Variants in RGS6 observed in about 807,000 individuals in gnomAD.
RGS6 encodes regulator of G protein signaling 6, also known as regulator of G-protein signaling 6.
RGS6 carries 30 observed loss-of-function variants against 78.5 expected under a neutral mutation model. The observed-to-expected ratio is 0.38, with a 90% CI of 0.29 to 0.52. The LOEUF is 0.52. RGS6 is among the 20% of genes least tolerant of loss of function. The probability of loss-of-function intolerance (pLI) is 0.85; values close to 1 mark genes in which losing one functional copy is unlikely to be tolerated. For synonymous variants in RGS6, 206 were observed against 206.0 expected (o/e 1.00, Z 0.00); for missense variants, 495 against 609.7 (o/e 0.81, Z 1.98).
chr14:71,956,503 C>T (rs2092805039), intron 1 of RGS6, among the ~76,000 whole-genome samples: 1 of 151,960 alleles, frequency 6.6e-6, no homozygotes, highest in African/African-American at 2.4e-5. Flanking sequence ...GAGAGCCAGT[C>T]CGAGTCTCAA....
At chr14:71,926,667 T>A in the RGS6 span, among the ~76,000 whole-genome samples, 1 of 151,864 alleles carries the variant, frequency 6.6e-6, no homozygotes, top group Non-Finnish European at 1.5e-5. Flanking sequence ...CCATGTGAGT[T>A]GAACTCTGGT....
At chr14:72,191,410 C>T (rs563252362) in intron 2 of RGS6, among the ~76,000 whole-genome samples, 5 of 152,114 alleles carry the variant, frequency 3.3e-5, no homozygotes, top group African/African-American at 1.2e-4. Flanking sequence ...TGTATTAGTC[C>T]TTTCTCATGC....
intron 3 of RGS6, among the ~76,000 whole-genome samples, chr14:72,414,775 G>A (rs2093681137): frequency 6.6e-6 from 1 of 152,156 alleles, no homozygotes; most frequent in Non-Finnish European, 1.5e-5. Flanking sequence ...CTATCAGTCA[G>A]GACCCTCAGC....
At chr14:71,937,060 CCCTAATGGATTT>C (rs1295226657) in intron 1 of RGS6, among the ~76,000 whole-genome samples, 1 of 152,170 alleles carries the variant, frequency 6.6e-6, no homozygotes, top group Non-Finnish European at 1.5e-5. Flanking sequence ...CTGAGAGATG[CCCTAATGGATTT>C]CCTGTGTTCC....
chr14:71,949,502 T>C (rs2190864), intron 1 of RGS6, among the ~76,000 whole-genome samples: 95,913 of 151,950 alleles, frequency 0.63, 30,749 homozygotes, highest in East Asian at 0.76. Flanking sequence ...CTATTTTAAA[T>C]TAGATTTTTA....
chr14:72,007,328 G>A (rs1447507734), intron 2 of RGS6, among the ~76,000 whole-genome samples: 4 of 152,074 alleles, frequency 2.6e-5, no homozygotes, highest in Admixed American at 1.3e-4. Context: ...CAAATTCAGG[G>A]CACTTTTAGG....
chr14:72,560,947 T>G (rs1475783592), intron 17 of RGS6, among the ~76,000 whole-genome samples: 2 of 152,010 alleles, frequency 1.3e-5, no homozygotes, highest in Admixed American at 1.3e-4. Context: ...GCAGACTTTC[T>G]GACAGCTCCT....
rs1489577452 is a variant in RGS6, at chr14:72,564,763, G to A, written c.*2296G>A. ...GAGATCCCCAGAGGATCTGACCAGAGCCAGGTGGACTGTGGCCCTGAGATG... is the reference window on the plus strand; with the variant it reads ...GAGATCCCCAGAGGATCTGACCAGAACCAGGTGGACTGTGGCCCTGAGATG... On this transcript the variant is annotated 3_prime_UTR_variant, in exon 18 of 18. Coordinates refer to ENST00000553525, the MANE Select transcript of RGS6 (RefSeq NM_001204424.2). The A allele has an allele frequency of 6.6e-6, 1 of 152,438 alleles. No individual in the cohort carries two copies. The highest frequency in any genetic ancestry group is 2.4e-5 in the African/African-American group (1 of 41,464). 9.4% of individuals were successfully genotyped at this position (152,438 alleles called of 1,614,324 possible). A position where few individuals can be genotyped will look rare whatever the true frequency, so the allele number is the denominator to read the frequency against.
intron 2 of RGS6, among the ~76,000 whole-genome samples, chr14:72,090,788 G>A (rs781349558): frequency 2.0e-5 from 3 of 152,076 alleles, no homozygotes; most frequent in Non-Finnish European, 4.4e-5. Context: ...GTGTTACTAG[G>A]GCCCACCTTG....
chr14:72,420,873 C>T (rs1313202641), intron 3 of RGS6: 1 of 152,174 alleles, frequency 6.6e-6, no homozygotes, highest in Non-Finnish European at 1.5e-5. Flanking sequence ...TGTAACCTGG[C>T]AGTTTTTCTT....
intron 2 of RGS6, among the ~76,000 whole-genome samples, chr14:72,296,616 CT>C (rs771662614): frequency 6.6e-6 from 1 of 152,154 alleles, no homozygotes; most frequent in Non-Finnish European, 1.5e-5. Context: ...ATTCACCTAT[CT>C]TTTGTCAAAT....
intron 2 of RGS6, among the ~76,000 whole-genome samples, chr14:72,077,041 T>C (rs1261366609): frequency 2.7e-5 from 4 of 150,856 alleles, no homozygotes; most frequent in African/African-American, 9.8e-5. Flanking sequence ...GGAAATGATG[T>C]AAATGTACCA....
At chr14:71,928,629 G>C (rs2087753546), upstream of RGS6, among the ~76,000 whole-genome samples, 1 of 152,176 alleles carries the variant, frequency 6.6e-6, no homozygotes, top group African/African-American at 2.4e-5. Context: ...CCCGTTTTGA[G>C]AGCTACGCCA....
At chr14:72,618,058 A>ATT in the RGS6 span, among the ~76,000 whole-genome samples, 300 of 151,222 alleles carry the variant, frequency 2.0e-3, no homozygotes, top group East Asian at 3.3e-3. Context: ...TTCTAGACAC[A>ATT]TTTTTTTTTG....
At chr14:72,385,951 C>G (rs569820100) in intron 3 of RGS6, among the ~76,000 whole-genome samples, 6 of 152,282 alleles carry the variant, frequency 3.9e-5, no homozygotes, top group African/African-American at 7.2e-5. Context: ...CACCAAGAAG[C>G]TCTCCTTGAA....
intron 2 of RGS6, among the ~76,000 whole-genome samples, chr14:72,309,588 C>T (rs890472504): frequency 2.0e-5 from 3 of 152,154 alleles, no homozygotes; most frequent in African/African-American, 4.8e-5. Flanking sequence ...AATCCTCAGG[C>T]GATACTGTGA....
At chr14:72,032,378 T>C (rs959510843) in intron 2 of RGS6, among the ~76,000 whole-genome samples, 1 of 152,134 alleles carries the variant, frequency 6.6e-6, no homozygotes, top group African/African-American at 2.4e-5. Context: ...ATAAATAATA[T>C]CTCAATATTT....
chr14:72,163,835 A>AT, intron 2 of RGS6, among the ~76,000 whole-genome samples: 1 of 150,010 alleles, frequency 6.7e-6, no homozygotes, highest in African/African-American at 2.5e-5. Flanking sequence ...GTGAGCCAAG[A>AT]TTGCACCACT....
intron 7 of RGS6, 92 bp from the exon 8 acceptor site, chr14:72,469,915 C>T (rs901689480): frequency 9.6e-6 from 9 of 936,240 alleles, no homozygotes; most frequent in Admixed American, 5.7e-5. Context: ...TGGAAGTAAC[C>T]AAAATTGATG....
Sources: allele counts gnomAD v4.1 joint callset (sites outside exome capture counted in the v4.1 genomes callset), GRCh38; gene constraint gnomAD v4.1.1; transcripts MANE v1.5; gene names NCBI Gene and HGNC (gene_info 2026-07-23, HGNC 2026-07-21).